Variants in PTGES3 observed in about 807,000 individuals in gnomAD.
PTGES3 encodes Hsp90 co-chaperone.
Under a neutral mutation model 29.9 loss-of-function variants are expected in PTGES3, and 5 were observed. That is an observed-to-expected ratio of 0.17 (90% CI 0.09 to 0.35). The LOEUF is 0.35. Among genes scored for constraint, PTGES3 ranks in the 10% least tolerant of loss-of-function variants. The pLI, the probability that PTGES3 is intolerant of heterozygous loss-of-function variation, is 1.00. For synonymous variants in PTGES3, 49 were observed against 57.8 expected (o/e 0.85, Z 0.69); for missense variants, 128 against 190.0 (o/e 0.67, Z 1.92).
chr12:56,669,669 T>C (rs1951926507), intron 5 of PTGES3, among the ~76,000 whole-genome samples: 1 of 151,958 alleles, frequency 6.6e-6, no homozygotes, highest in Non-Finnish European at 1.5e-5. Flanking sequence ...TGGAGTCCAG[T>C]GGCACGATCT....
chr12:56,686,721 A>G, intron 1 of PTGES3: 1 of 393,930 alleles, frequency 2.5e-6, no homozygotes, highest in East Asian at 3.6e-5. Context: ...ACTTTCGGGG[A>G]GGGGGCTCCT....
chr12:56,687,513 G>A (rs1374402281), intron 1 of PTGES3: 4 of 999,508 alleles, frequency 4.0e-6, no homozygotes, highest in Non-Finnish European at 4.8e-6. Context: ...CTCACGGCGA[G>A]GTCCGCGTGG....
chr12:56,665,614 TCTTA>T (rs1685183520), intron 6 of PTGES3: 1 of 985,480 alleles, frequency 1.0e-6, no homozygotes, highest in African/African-American at 1.7e-5. Context: ...TAACTTACTT[TCTTA>T]GTCAAAATCA....
intron 4 of PTGES3, 102 bp downstream of exon 4, chr12:56,671,647 G>T: frequency 1.5e-6 from 1 of 648,754 alleles, no homozygotes; most frequent in Non-Finnish European, 2.5e-6. Context: ...ATACTTAGCT[G>T]TGAAACAAAA....
intron 6 of PTGES3, chr12:56,665,081 A>C (rs1397889354): frequency 2.0e-6 from 2 of 985,274 alleles, no homozygotes; most frequent in Non-Finnish European, 2.4e-6. Context: ...CTCGGCATTC[A>C]AAGAGAAAAC....
chr12:56,682,615 C>T (rs1952596554), intron 1 of PTGES3, among the ~76,000 whole-genome samples: 3 of 151,472 alleles, frequency 2.0e-5, no homozygotes, highest in Non-Finnish European at 4.4e-5. Context: ...GGATCGGGTG[C>T]AGCAGCTCAC....
At chr12:56,676,061 T>C (rs1952226134) in intron 1 of PTGES3, among the ~76,000 whole-genome samples, 2 of 148,188 alleles carry the variant, frequency 1.3e-5, no homozygotes, top group South Asian at 4.2e-4. Context: ...ACCCCGTCTC[T>C]ACTAAAAATA....
intron 1 of PTGES3, among the ~76,000 whole-genome samples, chr12:56,683,621 G>A (rs1952669004): frequency 6.6e-6 from 1 of 151,764 alleles, no homozygotes; most frequent in South Asian, 2.1e-4. Flanking sequence ...GTTCACTCCA[G>A]CCTGGGCGAC....
In PTGES3 at chr12:56,665,388, G is replaced by A. The variant is rs149627892; in HGVS notation, c.439-588C>T. 8.5e-4 allele frequency: 739 copies of A among 868,690 alleles called. 7 individuals are homozygous for A. In the East Asian group the frequency reaches 0.037, roughly 44 times the overall value. The allele number at this position is 868,690 out of a possible 1,614,324, so 53.8% of individuals were successfully genotyped here. On this transcript the variant is annotated intron_variant, in intron 6 of 7. Coordinates refer to ENST00000262033, the MANE Select transcript of PTGES3 (RefSeq NM_006601.7). Reference sequence around the variant, plus strand: ...CGGCTCACTGCAACCTCTGCCTCCCGGGTTCAAGCGATTCTCCTGCCTCAG... The same window carrying A: ...CGGCTCACTGCAACCTCTGCCTCCCAGGTTCAAGCGATTCTCCTGCCTCAG...
intron 4 of PTGES3, chr12:56,670,592 G>A (rs1045456033): frequency 4.1e-6 from 2 of 486,618 alleles, no homozygotes; most frequent in Non-Finnish European, 7.5e-6. Context: ...CAACCTGGTG[G>A]TCCCCGCTTC....
At chr12:56,667,604 CCTAAGATTAT>C (rs1045953081) in intron 5 of PTGES3, among the ~76,000 whole-genome samples, 6 of 152,176 alleles carry the variant, frequency 3.9e-5, no homozygotes, top group Middle Eastern at 3.4e-3. Flanking sequence ...ATATGAGATA[CCTAAGATTAT>C]GTAAGATACC....
intron 1 of PTGES3, among the ~76,000 whole-genome samples, chr12:56,682,362 A>C (rs1159437446): frequency 1.3e-5 from 2 of 152,102 alleles, no homozygotes; most frequent in African/African-American, 4.8e-5. Context: ...AGTTTGAGAC[A>C]AGATAAGCCT....
At chr12:56,681,171 C>G (rs1192253392) in intron 1 of PTGES3, among the ~76,000 whole-genome samples, 2 of 152,086 alleles carry the variant, frequency 1.3e-5, no homozygotes, top group Non-Finnish European at 1.5e-5. Flanking sequence ...AACCCCAATC[C>G]TATTTCAGAC....
chr12:56,677,487 C>G (rs1319431573), intron 1 of PTGES3, among the ~76,000 whole-genome samples: 1 of 152,012 alleles, frequency 6.6e-6, no homozygotes, highest in Non-Finnish European at 1.5e-5. Flanking sequence ...ACTATATTGT[C>G]TTAGCAGCCT....
chr12:56,688,223 G>T lies in PTGES3; in HGVS notation c.-224C>A. 1 of 737,472 alleles carries T rather than the reference G, an allele frequency of 1.4e-6. No individual in the cohort carries two copies. Among genetic ancestry groups the T allele is most frequent in the Non-Finnish European group, 2.0e-6 (1 of 503,854 alleles). The allele number at this position is 737,472 out of a possible 1,614,324, so 45.7% of individuals were successfully genotyped here. On this transcript the variant is annotated 5_prime_UTR_variant, in exon 1 of 8. Coordinates refer to ENST00000262033, the MANE Select transcript of PTGES3 (RefSeq NM_006601.7). ...CTCCGGTCGGGGAGAAGAGGAAAGT[G>T]TAGGAAAAGGGGCGCGAGGACGGAG... is the stretch of plus-strand genomic sequence containing the variant.
intron 1 of PTGES3, chr12:56,687,415 C>T (rs1484691994): frequency 5.1e-6 from 5 of 987,436 alleles, no homozygotes; most frequent in Non-Finnish European, 6.0e-6. Context: ...ACTGGAAGTA[C>T]CCACACTCAA....
chr12:56,671,907 T>C (rs1565864502), intron 3 of PTGES3, 60 bp from the exon 4 acceptor site: 2 of 1,051,122 alleles, frequency 1.9e-6, no homozygotes, highest in Non-Finnish European at 1.3e-6. Context: ...TGATAGAAAA[T>C]AGCTTGTCAT....
chr12:56,679,501 G>C (rs2137682624), intron 1 of PTGES3, among the ~76,000 whole-genome samples: 1 of 151,592 alleles, frequency 6.6e-6, no homozygotes, highest in African/African-American at 2.4e-5. Context: ...AATGTATGCA[G>C]AGGTGGAAAG....
chr12:56,679,594 A>G (rs887167600), intron 1 of PTGES3, among the ~76,000 whole-genome samples: 1 of 152,164 alleles, frequency 6.6e-6, no homozygotes, highest in African/African-American at 2.4e-5. Flanking sequence ...GTTAGCAGAA[A>G]GGCTAGAGAT....
Sources: gnomAD v4.1 joint callset for allele counts (sites outside exome capture counted in the v4.1 genomes callset) on GRCh38, gnomAD v4.1.1 for gene constraint, MANE v1.5 for transcripts, NCBI Gene and HGNC (gene_info 2026-07-23, HGNC 2026-07-21) for gene names.